The following DNAH8 variants were observed in gnomAD, a reference collection of about 807,000 sequenced individuals.
DNAH8 encodes dynein axonemal heavy chain 8.
In DNAH8, 382 loss-of-function variants were observed where a neutral mutation model predicts 562.1. The ratio of observed to expected loss-of-function variants is 0.68; its 90% CI spans 0.63 to 0.74. The LOEUF (loss-of-function observed/expected upper bound fraction) is 0.74. Among genes scored for constraint, DNAH8 ranks in the 30% least tolerant of loss-of-function variants. The probability of loss-of-function intolerance (pLI) is 0.00; values close to 1 mark genes in which losing one functional copy is unlikely to be tolerated. For missense variants in DNAH8, 5,203 were observed against 5,620.4 expected (o/e 0.93, Z 2.37); for synonymous variants, 1,881 against 1,919.4 (o/e 0.98, Z 0.52).
intron 3 of DNAH8, 24 bp downstream of exon 3, chr6:38,723,495 AT>A (rs750378651): frequency 6.3e-7 from 1 of 1,588,182 alleles, no homozygotes; most frequent in South Asian, 1.2e-5. Context: ...TTATCATTAT[AT>A]TTTAATTGCC....
intron 92 of DNAH8, among the ~76,000 whole-genome samples, chr6:39,029,092 G>A (rs1184080706): frequency 1.3e-5 from 2 of 152,002 alleles, no homozygotes; most frequent in Non-Finnish European, 1.5e-5. Context: ...TCTTTTTTTA[G>A]TGAATATACT....
rs1775254179 is a variant in DNAH8, at chr6:38,845,826, A to G, written c.5045+53A>G. ...TAAATGGGATATTTAGGGTTATAAAATTCTAAGTAAAAGCTCAGTTTTAAA... is the reference window on the plus strand; with the variant it reads ...TAAATGGGATATTTAGGGTTATAAAGTTCTAAGTAAAAGCTCAGTTTTAAA... On this transcript the variant is annotated intron_variant, in intron 36 of 92. Transcript: ENST00000327475. 4.1e-6 allele frequency: 6 copies of G among 1,468,358 alleles called. No homozygotes were observed. In the South Asian group the frequency reaches 4.7e-5, roughly 11 times the overall value. 91.0% of individuals were successfully genotyped at this position (1,468,358 alleles called of 1,614,324 possible). A position where few individuals can be genotyped will look rare whatever the true frequency, so the allele number is the denominator to read the frequency against.
chr6:38,943,094 G>T (rs1426518947), intron 79 of DNAH8, among the ~76,000 whole-genome samples: 1 of 152,202 alleles, frequency 6.6e-6, no homozygotes, highest in East Asian at 1.9e-4. Context: ...GTCAGTGAGA[G>T]GAGTTTGGAT....
intron 82 of DNAH8, among the ~76,000 whole-genome samples, chr6:38,971,246 T>C (rs1763323967): frequency 6.6e-6 from 1 of 152,210 alleles, no homozygotes; most frequent in Non-Finnish European, 1.5e-5. Context: ...AAATCCTTTT[T>C]CCCTACAAAT....
At position 38,832,332 on chromosome 6, in the gene DNAH8, A is replaced by C; in HGVS notation, c.4199A>C (p.Gln1400Pro). 1 of 1,609,832 alleles carries C rather than the reference A, an allele frequency of 6.2e-7. No individual in the cohort carries two copies. Among genetic ancestry groups the C allele is most frequent in the Non-Finnish European group, 8.5e-7 (1 of 1,176,370 alleles). Residue 1400 changes from glutamine (Q) to proline (P), a missense_variant, in exon 31 of 93, where the codon CAA (glutamine) becomes CCA (proline). Physicochemically the swap from Gln to Pro is moderately conservative, Grantham distance 76. Around this residue, in one of 6 missense-constraint regions of DNAH8, gnomAD observed 2,176 missense variants for 2,365.1 expected, o/e 0.92. Coordinates refer to ENST00000327475, the MANE Select transcript of DNAH8 (RefSeq NM_001206927.2). ...NKLQSKAVSV[Q>P]EDLVQVQPKF... is the part of the protein sequence containing the mutation. ...TCTTTTTTATTGTAGGTTTCAGTACAAGAGGACCTAGTTCAAGTGCAGCCA... is the reference window on the plus strand; with the variant it reads ...TCTTTTTTATTGTAGGTTTCAGTACCAGAGGACCTAGTTCAAGTGCAGCCA...
rs199542264 is a variant in DNAH8 at position 38,867,231 on chromosome 6, A to G, written c.6693+355A>G. Among the ~76,000 whole-genome samples, 519 of 148,418 alleles carry G rather than the reference A, an allele frequency of 3.5e-3. 17 individuals are homozygous for G. Among genetic ancestry groups the G allele is most frequent in the Admixed American group, 0.033 (488 of 14,850 alleles). On this transcript the variant is annotated intron_variant, in intron 47 of 92. Transcript: ENST00000327475. ...GTTATACATGCACTGGTGTGTGTATATGTGTGTGTGTGTGTGTGTGTGTGT... is the reference window on the plus strand; with the variant it reads ...GTTATACATGCACTGGTGTGTGTATGTGTGTGTGTGTGTGTGTGTGTGTGT...
chr6:38,728,892 G>C (rs1698998), intron 3 of DNAH8, among the ~76,000 whole-genome samples: 1 of 151,968 alleles, frequency 6.6e-6, no homozygotes, highest in African/African-American at 2.4e-5. Context: ...GGATACTTCC[G>C]CTAGGCAGTC....
intron 70 of DNAH8, among the ~76,000 whole-genome samples, chr6:38,920,520 A>G (rs1781619664): frequency 6.6e-6 from 1 of 152,228 alleles, no homozygotes; most frequent in South Asian, 2.1e-4. Flanking sequence ...CTGTTACAGT[A>G]ATTTCACTTG....
At chr6:38,716,320 G>T (rs1321314504) in intron 1 of DNAH8, among the ~76,000 whole-genome samples, 2 of 151,844 alleles carry the variant, frequency 1.3e-5, no homozygotes, top group Non-Finnish European at 2.9e-5. Flanking sequence ...TCTCCCTCCG[G>T]CTTATTTCCC....
At chr6:38,794,804 A>G (rs560940642) in intron 21 of DNAH8, among the ~76,000 whole-genome samples, 289 of 152,200 alleles carry the variant, frequency 1.9e-3, no homozygotes, top group Non-Finnish European at 2.9e-3. Flanking sequence ...TTATTTGTTC[A>G]TTCTACTCTT....
chr6:39,022,565 G>A (rs571863356), intron 91 of DNAH8, among the ~76,000 whole-genome samples: 3 of 152,292 alleles, frequency 2.0e-5, no homozygotes, highest in South Asian at 2.1e-4. Flanking sequence ...GCCCAGCCCT[G>A]CCCTGCCCTG....
intron 88 of DNAH8, 80 bp downstream of exon 88, chr6:38,990,252 C>A: frequency 2.2e-6 from 2 of 913,314 alleles, no homozygotes; most frequent in South Asian, 1.8e-5. Flanking sequence ...ATTTTCTCTC[C>A]TAATCTCTCT....
rs753672143 is a variant in DNAH8, at chr6:38,923,627, T to TA, written c.10791-357dup. On this transcript the variant is annotated intron_variant, in intron 72 of 92. Transcript: ENST00000327475. ...AATGGCAAAAAAATAAAAATAAAAATAAAAAAATAAAAAAATAAAAAGGGA... is the reference window on the plus strand; with the variant it reads ...AATGGCAAAAAAATAAAAATAAAAATAAAAAAAATAAAAAAATAAAAAGGGA... The TA allele has an allele frequency of 3.2e-4, 58 of 181,164 alleles. 1 individual carries two copies. In the East Asian group the frequency reaches 6.5e-3, roughly 20 times the overall value. The allele number at this position is 181,164 out of a possible 1,614,324, so 11.2% of individuals were successfully genotyped here. A position where few individuals can be genotyped will look rare whatever the true frequency, so the allele number is the denominator to read the frequency against.
intron 85 of DNAH8, among the ~76,000 whole-genome samples, chr6:38,976,295 G>C (rs761358436): frequency 1.4e-4 from 22 of 152,096 alleles, no homozygotes; most frequent in Non-Finnish European, 3.2e-4. Flanking sequence ...GATCTTTCAA[G>C]GTTTTTTTCA....
At chr6:38,940,532 C>T (rs1783358750) in intron 79 of DNAH8, among the ~76,000 whole-genome samples, 1 of 152,168 alleles carries the variant, frequency 6.6e-6, no homozygotes, top group Non-Finnish European at 1.5e-5. Flanking sequence ...TTCATGTTAC[C>T]TCTCCAACGT....
chr6:38,982,358 T>C lies in DNAH8; in HGVS notation c.12847T>C (p.Phe4283Leu). The change falls in exon 86 of 93, where the codon TTT becomes CTT. Residue 4283 changes from phenylalanine (F) to leucine (L), a missense_variant. Phe to Leu is a conservative substitution (Grantham distance 22). Coordinates refer to ENST00000327475, the MANE Select transcript of DNAH8 (RefSeq NM_001206927.2). Reference sequence around the variant, plus strand: ...TGGTGTTTTTAAGGAGCGACGAAAATTTGGCCCCTTAGGATGGAATATTCC... The same window carrying C: ...TGGTGTTTTTAAGGAGCGACGAAAACTTGGCCCCTTAGGATGGAATATTCC... ...LHSTVQERRKFGPLGWNIPYE... is the reference protein window; with the variant it reads ...LHSTVQERRKLGPLGWNIPYE... The C allele has an allele frequency of 6.3e-7, 1 of 1,591,642 alleles. No individual in the cohort carries two copies. The highest frequency in any genetic ancestry group is 8.6e-7 in the Non-Finnish European group (1 of 1,160,850).
chr6:38,995,156 A>G (rs576434250), intron 88 of DNAH8, among the ~76,000 whole-genome samples: 2 of 151,800 alleles, frequency 1.3e-5, no homozygotes, highest in Admixed American at 6.6e-5. Flanking sequence ...ATACCTTTCA[A>G]CATTTATGGA....
intron 82 of DNAH8, 81 bp from the exon 83 acceptor site, chr6:38,971,511 A>G: frequency 1.1e-6 from 1 of 875,188 alleles, no homozygotes; most frequent in South Asian, 2.6e-5. Context: ...GGAGGCTATA[A>G]TCATTCAGAA....
chr6:38,862,604 G>T, intron 44 of DNAH8, 146 bp downstream of exon 44: 3 of 902,404 alleles, frequency 3.3e-6, no homozygotes, highest in East Asian at 2.7e-5. Context: ...CATTTTTCTA[G>T]GTCAAAAATG....
Sources: allele counts gnomAD v4.1 joint callset (sites outside exome capture counted in the v4.1 genomes callset), GRCh38; gene constraint gnomAD v4.1.1; regional missense constraint gnomAD v4.1.1; transcripts MANE v1.5; gene names NCBI Gene and HGNC (gene_info 2026-07-23, HGNC 2026-07-21).